The following TRAPPC10 variants were observed in gnomAD, a reference collection of about 807,000 sequenced individuals.
TRAPPC10 encodes trafficking protein particle complex subunit 10.
In TRAPPC10, 23 loss-of-function variants were observed where a neutral mutation model predicts 125.5. The ratio of observed to expected loss-of-function variants is 0.18; its 90% CI spans 0.13 to 0.26. The LOEUF is 0.26. TRAPPC10 is among the 10% of genes least tolerant of loss of function. The pLI, the probability that TRAPPC10 is intolerant of heterozygous loss-of-function variation, is 1.00. For missense variants in TRAPPC10, 1,123 were observed against 1,308.4 expected (o/e 0.86, Z 2.19); for synonymous variants, 509 against 518.0 (o/e 0.98, Z 0.24).
At chr21:44,025,735 T>TA (rs1433777211) in intron 1 of TRAPPC10, among the ~76,000 whole-genome samples, 1 of 152,086 alleles carries the variant, frequency 6.6e-6, no homozygotes, top group Admixed American at 6.6e-5. Context: ...TGATGAACAC[T>TA]AATGTATGGG....
intron 3 of TRAPPC10, among the ~76,000 whole-genome samples, chr21:44,043,036 T>C (rs2145764081): frequency 1.3e-5 from 2 of 152,202 alleles, no homozygotes; most frequent in Middle Eastern, 6.8e-3. Context: ...TTTTACTGTC[T>C]GAATGCATAG....
chr21:44,077,789 T>A lies in TRAPPC10; in HGVS notation c.1469+5T>A. 6.3e-7 allele frequency: 1 copy of A among 1,596,494 alleles called. No individual in the cohort carries two copies. The highest frequency in any genetic ancestry group is 8.6e-7 in the Non-Finnish European group (1 of 1,167,470). ...AGATCTGGCAGAGTTTTACATGTAATTGATTTTGTACTTTTCTTTGAATTC... is the reference window on the plus strand; with the variant it reads ...AGATCTGGCAGAGTTTTACATGTAAATGATTTTGTACTTTTCTTTGAATTC... On this transcript the variant is annotated splice_donor_5th_base_variant and intron_variant, in intron 11 of 22. Coordinates refer to ENST00000291574, the MANE Select transcript of TRAPPC10 (RefSeq NM_003274.5).
intron 7 of TRAPPC10, among the ~76,000 whole-genome samples, chr21:44,073,100 T>C (rs566518361): frequency 3.1e-4 from 47 of 152,276 alleles, no homozygotes; most frequent in African/African-American, 1.1e-3. Context: ...CTTCCGATTA[T>C]GCAGTTTTTG....
chr21:44,085,708 TAA>T (rs11417649), intron 15 of TRAPPC10, among the ~76,000 whole-genome samples: 2 of 145,726 alleles, frequency 1.4e-5, no homozygotes, highest in South Asian at 2.2e-4. Context: ...CTCCATCTCT[TAA>T]AAAAAAAAAA....
At position 44,055,694 on chromosome 21, in the gene TRAPPC10, G is replaced by A. The variant is rs551761716; in HGVS notation, c.483-4G>A. 1 of 1,593,990 alleles carries A rather than the reference G, an allele frequency of 6.3e-7. No homozygotes were observed. The highest frequency in any genetic ancestry group is 1.1e-5 in the South Asian group (1 of 89,828). ...TCCCAGATAGTCTGTTCATGTCTTT[G>A]CAGGTGTGTTGTGCTCTCCGACCCC... On this transcript the variant is annotated splice_region_variant and splice_polypyrimidine_tract_variant and intron_variant, in intron 4 of 22. Coordinates refer to ENST00000291574, the MANE Select transcript of TRAPPC10 (RefSeq NM_003274.5).
Position 44,084,204 on chromosome 21 carries a change from C to G in TRAPPC10, c.2321C>G (p.Pro774Arg), listed in dbSNP as rs892420697. Residue 774 changes from proline (P) to arginine (R), a missense_variant, in exon 15 of 23, where the codon CCC (proline) becomes CGC (arginine). Transcript: ENST00000291574. Reference sequence around the variant, plus strand: ...TGGTTCGTCCTCCCTCACATCTACCCCATTGTGCAGTACGACGTGTACTCA... The same window carrying G: ...TGGTTCGTCCTCCCTCACATCTACCGCATTGTGCAGTACGACGTGTACTCA... ...SVWFVLPHIY[P>R]IVQYDVYSQE... 6.2e-7 allele frequency: 1 copy of G among 1,614,058 alleles called. No individual in the cohort carries two copies. The highest frequency in any genetic ancestry group is 1.3e-5 in the African/African-American group (1 of 74,934).
intron 7 of TRAPPC10, among the ~76,000 whole-genome samples, chr21:44,067,785 T>C (rs980692383): frequency 6.6e-6 from 1 of 152,042 alleles, no homozygotes; most frequent in Non-Finnish European, 1.5e-5. Context: ...TGATAGGTGC[T>C]AGGGAAGCTT....
intron 3 of TRAPPC10, 42 bp from the exon 4 acceptor site, chr21:44,052,238 G>C (rs765949616): frequency 8.0e-6 from 12 of 1,492,912 alleles, no homozygotes; most frequent in Non-Finnish European, 1.1e-5. Flanking sequence ...AAACTAAAGG[G>C]CATTAGTTAA....
chr21:44,072,531 T>C (rs189452265), intron 7 of TRAPPC10, among the ~76,000 whole-genome samples: 56 of 152,346 alleles, frequency 3.7e-4, no homozygotes, highest in Non-Finnish European at 7.2e-4. Flanking sequence ...TGGCATGATC[T>C]TGGCTCACCG....
Position 44,082,791 on chromosome 21 carries a change from A to G in TRAPPC10, c.1727A>G (p.His576Arg), listed in dbSNP as rs766533764. The change falls in exon 14 of 23, where the codon CAT (histidine) becomes CGT (arginine). Residue 576 changes from histidine to arginine, a missense_variant. Physicochemically the swap from His to Arg is conservative, Grantham distance 29. This residue lies in a region of TRAPPC10 where 840 missense variants were observed against 902.0 expected (regional missense o/e 0.93). Transcript: ENST00000291574. This position sits in a 1 kb window ranked among gnomAD's most constrained non-coding sequence, Gnocchi z 4.4. Reference sequence around the variant, plus strand: ...TTACGATAATGTCTATTTACAGGTCATAAGATAGTGCTACCCATGCATTCC... The same window carrying G: ...TTACGATAATGTCTATTTACAGGTCGTAAGATAGTGCTACCCATGCATTCC... ...FASQPSDSPG[H>R]KIVLPMHSFA... 3.7e-6 allele frequency: 6 copies of G among 1,613,910 alleles called. No homozygotes were observed. The highest frequency in any genetic ancestry group is 2.2e-5 in the East Asian group (1 of 44,856).
Position 44,012,348 on chromosome 21 carries a change from GC to G in TRAPPC10, c.-145del. The G allele has an allele frequency of 4.3e-6, 1 of 232,984 alleles. No individual in the cohort carries two copies. Among genetic ancestry groups the G allele is most frequent in the Non-Finnish European group, 7.0e-6 (1 of 142,440 alleles). The allele number at this position is 232,984 out of a possible 1,614,324, so 14.4% of individuals were successfully genotyped here. ...AAGTGGCTGAGGCCGGCAGCAGCGG[GC>G]GGCAGCTGCGGCGCAACCGGCTCCG... On this transcript the variant is annotated 5_prime_UTR_variant, in exon 1 of 23. Transcript: ENST00000291574.
Position 44,082,670 on chromosome 21 carries a change from C to A in TRAPPC10, c.1724-118C>A. The stretch of plus-strand genomic sequence containing the variant: ...AGGAGGCTGGGCTCAGCTGCTGTGC[C>A]CATCACTGCTGCTTGCTTCAGTCTG... On this transcript the variant is annotated intron_variant, in intron 13 of 22. Transcript: ENST00000291574. The surrounding 1 kb of genome is among the most constrained non-coding windows in gnomAD (Gnocchi z 4.4). The A allele has an allele frequency of 8.8e-7, 1 of 1,133,440 alleles. No individual in the cohort carries two copies. Among genetic ancestry groups the A allele is most frequent in the Non-Finnish European group, 1.3e-6 (1 of 778,634 alleles). 70.2% of individuals were successfully genotyped at this position (1,133,440 alleles called of 1,614,324 possible).
At chr21:44,066,232 G>C (rs1255092995) in intron 7 of TRAPPC10, among the ~76,000 whole-genome samples, 1 of 152,192 alleles carries the variant, frequency 6.6e-6, no homozygotes, top group Non-Finnish European at 1.5e-5. Context: ...GAGAATAGGA[G>C]GCAACGAAGT....
intron 7 of TRAPPC10, among the ~76,000 whole-genome samples, chr21:44,064,566 A>G (rs1290381810): frequency 1.3e-5 from 2 of 152,088 alleles, no homozygotes; most frequent in Non-Finnish European, 1.5e-5. Context: ...CCTGCCACCC[A>G]TCCCCTGGTT....
At chr21:44,058,337 G>A (rs1030230480) in intron 5 of TRAPPC10, among the ~76,000 whole-genome samples, 6 of 151,690 alleles carry the variant, frequency 4.0e-5, no homozygotes, top group Non-Finnish European at 5.9e-5. Flanking sequence ...CCACGCACAC[G>A]TGAGCAGCGG....
intron 19 of TRAPPC10, 99 bp downstream of exon 19, chr21:44,092,148 A>G (rs1416093302): frequency 3.8e-5 from 55 of 1,458,124 alleles, no homozygotes; most frequent in Non-Finnish European, 5.0e-5. Context: ...TAGATAGAAC[A>G]GCTGCACTGC....
rs376972497 is a variant in TRAPPC10, at chr21:44,059,158, A to G, written c.734A>G (p.Gln245Arg). 2.1e-5 allele frequency: 34 copies of G among 1,612,084 alleles called. No homozygotes were observed. Among genetic ancestry groups the G allele is most frequent in the Non-Finnish European group, 2.8e-5 (33 of 1,179,192 alleles). Residue 245 changes from glutamine (Q) to arginine (R), a missense_variant, in exon 6 of 23, where the codon CAG (glutamine) becomes CGG (arginine). By Grantham distance (43) the Gln-to-Arg change is conservative. Transcript: ENST00000291574. This position sits in a 1 kb window ranked among gnomAD's most constrained non-coding sequence, Gnocchi z 4.4. ...CAGCAGTTCGAGGACGCCCTGGTGC[A>G]GTACGACGAACTGGACGCCCTCTTC... ...MLQQFEDALV[Q>R]YDELDALFSQ...
Position 44,063,975 on chromosome 21 carries a change from G to A in TRAPPC10, c.1038+190G>A, listed in dbSNP as rs2036241393. Reference sequence around the variant, plus strand: ...ATAAATTGCTCAAAAATAGAACTCTGTTCTCAACATGCTGGAGTTTGTGCC... The same window carrying A: ...ATAAATTGCTCAAAAATAGAACTCTATTCTCAACATGCTGGAGTTTGTGCC... On this transcript the variant is annotated intron_variant, in intron 7 of 22. Transcript: ENST00000291574. The surrounding 1 kb of genome is among the most constrained non-coding windows in gnomAD (Gnocchi z 4.4). Among the ~76,000 whole-genome samples the A allele has an allele frequency of 6.6e-6, 1 of 152,136 alleles. No individual in the cohort carries two copies. Among genetic ancestry groups the A allele is most frequent in the South Asian group, 2.1e-4 (1 of 4,824 alleles).
At chr21:44,076,338 G>C (rs2037278746) in intron 9 of TRAPPC10, among the ~76,000 whole-genome samples, 1 of 152,220 alleles carries the variant, frequency 6.6e-6, no homozygotes, top group African/African-American at 2.4e-5. Flanking sequence ...AAAGATCAGA[G>C]AAAAAGCATG....
Sources: allele counts gnomAD v4.1 joint callset (sites outside exome capture counted in the v4.1 genomes callset), GRCh38; gene constraint gnomAD v4.1.1; regional missense constraint gnomAD v4.1.1; non-coding constraint Gnocchi (gnomAD v3.1); transcripts MANE v1.5; gene names NCBI Gene and HGNC (gene_info 2026-07-23, HGNC 2026-07-21).